LY6G5B: variants seen among roughly 807,000 people sequenced by gnomAD.
LY6G5B encodes lymphocyte antigen 6 complex locus protein G5b.
Under a neutral mutation model 6.7 loss-of-function variants are expected in LY6G5B, and 6 were observed. That is an observed-to-expected ratio of 0.89 (90% CI 0.49 to 1.76). The LOEUF (loss-of-function observed/expected upper bound fraction) is 1.76, where lower values mean the gene tolerates loss of function less well. Among genes scored for constraint, LY6G5B ranks in the 40% most tolerant of loss-of-function variants. The probability of loss-of-function intolerance (pLI) is 0.01; values close to 1 mark genes in which losing one functional copy is unlikely to be tolerated. For synonymous variants in LY6G5B, 98 were observed against 99.4 expected, an observed-to-expected ratio of 0.99 and a Z score of 0.09; for missense variants, 240 against 249.5, an observed-to-expected ratio of 0.96 and a Z score of 0.26.
chr6:31,672,261 CT>C lies in LY6G5B; in HGVS notation c.587del (p.Leu196Ter). ...TTTTGGTTCTTCCCCAGGCTGGACT[CT>C]TGACACCTCACCCTTCCTGAATTCC... On this transcript the variant is annotated frameshift_variant, in exon 3 of 3. Transcript: ENST00000375864. LOFTEE classifies it low-confidence loss of function (END_TRUNC). 1 of 1,612,740 alleles carries C rather than the reference CT, an allele frequency of 6.2e-7. No homozygotes were observed. The highest frequency in any genetic ancestry group is 8.5e-7 in the Non-Finnish European group (1 of 1,179,710).
At position 31,671,857 on chromosome 6, in the gene LY6G5B, C is replaced by G; in HGVS notation, c.188-7C>G. ...GAAGGGGTTATCAGCTTTCCCCTCTCCCTCAGATGTCAAGGTTCGCTTCAT... is the reference window on the plus strand; with the variant it reads ...GAAGGGGTTATCAGCTTTCCCCTCTGCCTCAGATGTCAAGGTTCGCTTCAT... On this transcript the variant is annotated splice_polypyrimidine_tract_variant and splice_region_variant and intron_variant, in intron 2 of 2. Coordinates refer to ENST00000375864, the Ensembl canonical transcript of LY6G5B. The G allele has an allele frequency of 6.2e-7, 1 of 1,601,326 alleles. No homozygotes were observed. The highest frequency in any genetic ancestry group is 8.5e-7 in the Non-Finnish European group (1 of 1,171,544).
chr6:31,672,373 C>T, exon 3 of LY6G5B: 1 of 1,360,724 alleles, frequency 7.3e-7, no homozygotes. Flanking sequence ...ACTGTGATTT[C>T]TTAGGCCTCC....
chr6:31,671,082 A>G, intron 1 of LY6G5B, 74 bp downstream of exon 1: 1 of 1,611,134 alleles, frequency 6.2e-7, no homozygotes, highest in Non-Finnish European at 8.5e-7. Flanking sequence ...GTGGCCATGG[A>G]TAATCGGGCT....
chr6:31,671,275 A>G (rs1287698337), exon 2 of LY6G5B: 4 of 1,613,454 alleles, frequency 2.5e-6, no homozygotes, highest in Non-Finnish European at 3.4e-6. Flanking sequence ...GGTGATCACC[A>G]TCTATTATGG....
exon 2 of LY6G5B, chr6:31,671,164 C>G: frequency 1.9e-6 from 3 of 1,614,080 alleles, no homozygotes; most frequent in African/African-American, 1.3e-5. Context: ...AGTTCCTGTT[C>G]CCGACATCCG....
exon 3 of LY6G5B, chr6:31,672,005 C>T (rs762291653): frequency 1.5e-5 from 24 of 1,613,100 alleles, no homozygotes; most frequent in Non-Finnish European, 2.0e-5. Context: ...TGGTCAAGCC[C>T]CCAACTCCAG....
chr6:31,672,501 G>A (rs1802308809), exon 3 of LY6G5B: 1 of 613,150 alleles, frequency 1.6e-6, no homozygotes. Context: ...GTGGAGTGCA[G>A]TGGCATGATC....
Position 31,671,847 on chromosome 6 carries a change from T to C in LY6G5B, c.188-17T>C. On this transcript the variant is annotated splice_polypyrimidine_tract_variant and intron_variant, in intron 2 of 2. Coordinates refer to ENST00000375864, the Ensembl canonical transcript of LY6G5B. ...GAAGCTATTGGAAGGGGTTATCAGCTTTCCCCTCTCCCTCAGATGTCAAGG... is the reference window on the plus strand; with the variant it reads ...GAAGCTATTGGAAGGGGTTATCAGCCTTCCCCTCTCCCTCAGATGTCAAGG... 1 of 1,596,462 alleles carries C rather than the reference T, an allele frequency of 6.3e-7. No homozygotes were observed. The highest frequency in any genetic ancestry group is 1.3e-5 in the African/African-American group (1 of 74,684).
exon 3 of LY6G5B, chr6:31,672,086 A>C (rs982112333): frequency 6.2e-7 from 1 of 1,612,854 alleles, no homozygotes; most frequent in Admixed American, 1.7e-5. Context: ...CAGTGGTTCT[A>C]CCAGGCCCTG....
At position 31,670,846 on chromosome 6, in the gene LY6G5B, C is replaced by G. The variant is rs889581295; in HGVS notation, c.-105C>G. On this transcript the variant is annotated 5_prime_UTR_variant, in exon 1 of 3. Transcript: ENST00000375864. ...GCATTTACAGCAGCTCCTGCTCAGA[C>G]CTTGTCAAAACCACCCTGCAGCTTA... 2.5e-6 allele frequency: 3 copies of G among 1,223,704 alleles called. No individual in the cohort carries two copies. The Admixed American group carries it at 6.8e-5, about 28-fold the overall frequency. 75.8% of individuals were successfully genotyped at this position (1,223,704 alleles called of 1,614,324 possible). A position where few individuals can be genotyped will look rare whatever the true frequency, so the allele number is the denominator to read the frequency against.
chr6:31,672,406 A>G (rs1050621933), exon 3 of LY6G5B: 26 of 1,071,354 alleles, frequency 2.4e-5, no homozygotes, highest in Non-Finnish European at 3.1e-5. Flanking sequence ...ACTAGCATCT[A>G]TATGACTTTT....
exon 3 of LY6G5B, chr6:31,672,301 CT>C (rs776148164): frequency 5.6e-6 from 9 of 1,600,220 alleles, no homozygotes; most frequent in South Asian, 1.1e-5. Context: ...GTGCAAATAT[CT>C]TTCTGTAACA....
At chr6:31,672,397 C>T in exon 3 of LY6G5B, 1 of 1,119,606 alleles carries the variant, frequency 8.9e-7, no homozygotes, top group Admixed American at 2.3e-5. Context: ...TGTTGTACCA[C>T]TAGCATCTAT....
upstream of LY6G5B, chr6:31,670,055 G>T (rs1036412181): frequency 2.5e-6 from 2 of 787,706 alleles, no homozygotes; most frequent in South Asian, 1.9e-5. Flanking sequence ...AAATAAAGTA[G>T]AAGAAAAGGC....
exon 3 of LY6G5B, chr6:31,672,461 T>G: frequency 1.3e-6 from 1 of 744,970 alleles, no homozygotes; most frequent in Non-Finnish European, 2.1e-6. Flanking sequence ...TTTTGTTTGT[T>G]TGAGACAAAG....
exon 3 of LY6G5B, chr6:31,673,362 A>G (rs707919): frequency 0.24 from 36,855 of 152,790 alleles, 5,640 homozygotes; most frequent in Middle Eastern, 0.38. Context: ...CGCCTGTCCT[A>G]GTGTTGTTCT....
chr6:31,670,983 C>T (rs1802165515), exon 1 of LY6G5B: 2 of 1,612,390 alleles, frequency 1.2e-6, no homozygotes, highest in African/African-American at 2.7e-5. Context: ...GTGTGCTGGT[C>T]ATGGTGGGCT....
chr6:31,671,279 A>C, exon 2 of LY6G5B: 1 of 1,613,452 alleles, frequency 6.2e-7, no homozygotes, highest in South Asian at 1.1e-5. Context: ...ATCACCATCT[A>C]TTATGGTAAA....
intron 1 of LY6G5B, 23 bp downstream of exon 1, chr6:31,671,031 G>A (rs1318792655): frequency 1.2e-6 from 2 of 1,611,004 alleles, no homozygotes; most frequent in Non-Finnish European, 8.5e-7. Flanking sequence ...CAGGGGCAGG[G>A]AGGGAGGAAG....
Sources: allele counts gnomAD v4.1 joint callset, GRCh38; gene constraint gnomAD v4.1.1; transcripts MANE v1.5; gene names NCBI Gene and HGNC (gene_info 2026-07-23, HGNC 2026-07-21).